Variants in TTC28 observed in about 807,000 individuals in gnomAD.
TTC28 encodes the protein tetratricopeptide repeat protein 28.
In TTC28, 61 loss-of-function variants were observed where a neutral mutation model predicts 198.0. That is an observed-to-expected ratio of 0.31 (90% CI 0.25 to 0.38). TTC28 has a LOEUF of 0.38. Ranked by LOEUF, TTC28 falls within the 10% of genes least tolerant of loss-of-function variation. The pLI is 1.00. For missense variants in TTC28, 2,678 were observed against 3,164.0 expected (o/e 0.85, Z 3.69); for synonymous variants, 1,171 against 1,297.8 (o/e 0.90, Z 2.10).
chr22:28,034,179 T>G (rs907023977), intron 12 of TTC28, among the ~76,000 whole-genome samples: 1 of 152,102 alleles, frequency 6.6e-6, no homozygotes, highest in Non-Finnish European at 1.5e-5. Flanking sequence ...AGAGACACAT[T>G]GGCTTTGCAG....
chr22:28,444,547 G>A (rs543290829), intron 2 of TTC28, among the ~76,000 whole-genome samples: 2 of 152,188 alleles, frequency 1.3e-5, no homozygotes, highest in South Asian at 4.2e-4. Context: ...TATTTATTGA[G>A]CCACTAGTCT....
rs144070117 is a variant in TTC28 at position 28,174,824 on chromosome 22, C to A, written c.934-11225G>T. Among the ~76,000 whole-genome samples the A allele has an allele frequency of 8.9e-3, 1,356 of 152,256 alleles. 11 individuals are homozygous for A. The highest frequency in any genetic ancestry group is 0.048 in the Middle Eastern group (14 of 294). ...GGTACAATTAGGTGTATATCCAACA[C>A]ATAATCTTGGTAAATACACTTCACT... On this transcript the variant is annotated intron_variant, in intron 5 of 22. Transcript: ENST00000397906.
At chr22:28,613,791 A>G (rs943145852) in intron 2 of TTC28, among the ~76,000 whole-genome samples, 8 of 152,246 alleles carry the variant, frequency 5.3e-5, no homozygotes, top group Admixed American at 5.2e-4. Flanking sequence ...GATGGAACAT[A>G]TCTCAAAATA....
At chr22:28,551,998 G>A (rs1300981054) in intron 2 of TTC28, among the ~76,000 whole-genome samples, 4 of 152,070 alleles carry the variant, frequency 2.6e-5, no homozygotes, top group South Asian at 2.1e-4. Context: ...CATCCAAAAA[G>A]CTCCTAAAAC....
chr22:28,634,150 T>C (rs2051227024), intron 1 of TTC28, among the ~76,000 whole-genome samples: 1 of 152,178 alleles, frequency 6.6e-6, no homozygotes, highest in African/African-American at 2.4e-5. Context: ...CCACAGAAGC[T>C]TCTAATTTGT....
At chr22:28,415,172 G>A (rs553071617) in intron 2 of TTC28, among the ~76,000 whole-genome samples, 1 of 152,272 alleles carries the variant, frequency 6.6e-6, no homozygotes, top group South Asian at 2.1e-4. Context: ...TCTGCTGTAT[G>A]TGCCAAGGTT....
At chr22:28,143,763 T>C (rs559627820) in intron 6 of TTC28, among the ~76,000 whole-genome samples, 89 of 152,142 alleles carry the variant, frequency 5.8e-4, no homozygotes, top group Non-Finnish European at 7.5e-4. Context: ...AGGTCTAAAA[T>C]GTTAAAACAG....
At chr22:28,218,566 AC>A (rs1427635161) in intron 5 of TTC28, among the ~76,000 whole-genome samples, 1 of 152,052 alleles carries the variant, frequency 6.6e-6, no homozygotes, top group African/African-American at 2.4e-5. Flanking sequence ...TCATTCTTTC[AC>A]ATAAAAAAAA....
chr22:28,122,166 C>A (rs192060894), intron 6 of TTC28, among the ~76,000 whole-genome samples: 1 of 152,314 alleles, frequency 6.6e-6, no homozygotes, highest in East Asian at 1.9e-4. Flanking sequence ...CCGCGCTCAG[C>A]CTGCTTTTTT....
At chr22:28,431,202 G>A (rs1217257435) in intron 2 of TTC28, among the ~76,000 whole-genome samples, 5 of 151,896 alleles carry the variant, frequency 3.3e-5, no homozygotes, top group Admixed American at 1.3e-4. Flanking sequence ...CTACTAGATC[G>A]TAGCCTGAGA....
At chr22:28,647,886 A>G (rs1434569980) in intron 1 of TTC28, among the ~76,000 whole-genome samples, 2 of 151,744 alleles carry the variant, frequency 1.3e-5, no homozygotes, top group East Asian at 1.9e-4. Context: ...GGCAATAGAC[A>G]TTTCTCAAAA....
At chr22:28,336,256 G>C (rs2145890145) in intron 2 of TTC28, among the ~76,000 whole-genome samples, 1 of 152,238 alleles carries the variant, frequency 6.6e-6, no homozygotes, top group Admixed American at 6.5e-5. Context: ...TTTTATTGAG[G>C]ATTTTTGCAT....
intron 2 of TTC28, among the ~76,000 whole-genome samples, chr22:28,337,995 T>A (rs1601652610): frequency 1.3e-5 from 2 of 152,198 alleles, no homozygotes; most frequent in East Asian, 3.8e-4. Flanking sequence ...TTCCTTTCCA[T>A]GTTTAGTGCT....
At chr22:28,633,555 G>C (rs2051215280) in intron 1 of TTC28, among the ~76,000 whole-genome samples, 1 of 152,036 alleles carries the variant, frequency 6.6e-6, no homozygotes, top group Admixed American at 6.6e-5. Context: ...TTGAGCCTAG[G>C]GGGTCAGGGC....
At chr22:28,411,685 T>C (rs770105627) in intron 2 of TTC28, among the ~76,000 whole-genome samples, 19 of 152,346 alleles carry the variant, frequency 1.2e-4, no homozygotes, top group Middle Eastern at 3.4e-3. Context: ...ATCTCTGTGG[T>C]TGCATAGGCA....
chr22:28,261,108 A>G (rs1004812611), intron 5 of TTC28, among the ~76,000 whole-genome samples: 4 of 152,064 alleles, frequency 2.6e-5, no homozygotes, highest in African/African-American at 9.7e-5. Flanking sequence ...TAGGTGTATC[A>G]CCCTAATTTA....
chr22:28,316,033 A>G (rs1020477504), intron 2 of TTC28, among the ~76,000 whole-genome samples: 1 of 152,196 alleles, frequency 6.6e-6, no homozygotes, highest in Non-Finnish European at 1.5e-5. Context: ...AAGTTCTGGT[A>G]GTTCCATCCC....
chr22:28,034,305 C>G (rs1166628935), intron 12 of TTC28, among the ~76,000 whole-genome samples: 1 of 152,168 alleles, frequency 6.6e-6, no homozygotes, highest in Non-Finnish European at 1.5e-5. Context: ...ACCAGCTGCT[C>G]AGGACTGGCA....
intron 5 of TTC28, among the ~76,000 whole-genome samples, chr22:28,165,475 A>ATG (rs1569173499): frequency 2.7e-5 from 4 of 150,410 alleles, no homozygotes; most frequent in African/African-American, 9.7e-5. Context: ...CTAACAGCTG[A>ATG]TCTCAGGACA....
Sources: allele counts gnomAD v4.1 joint callset (sites outside exome capture counted in the v4.1 genomes callset), GRCh38; gene constraint gnomAD v4.1.1; transcripts MANE v1.5; gene names NCBI Gene and HGNC (gene_info 2026-07-23, HGNC 2026-07-21).